Variants in OR51E2 observed in about 807,000 individuals in gnomAD.
OR51E2 encodes olfactory receptor 51E2.
OR51E2 carries 14 observed loss-of-function variants against 13.7 expected under a neutral mutation model. The ratio of observed to expected loss-of-function variants is 1.02; its 90% confidence interval spans 0.68 to 1.60. OR51E2 has a LOEUF of 1.60. Among genes scored for constraint, OR51E2 ranks in the 40% most tolerant of loss-of-function variants. The probability of loss-of-function intolerance (pLI) is 0.00; values close to 1 mark genes in which losing one functional copy is unlikely to be tolerated. For missense variants in OR51E2, 483 were observed against 413.8 expected, an observed-to-expected ratio of 1.17 and a Z score of -1.45; for synonymous variants, 180 against 157.6, an observed-to-expected ratio of 1.14 and a Z score of -1.07.
Position 4,682,346 on chromosome 11 carries a change from A to G in OR51E2, c.366T>C (p.Tyr122=), listed in dbSNP as rs752568016. ...TILLAMAFDR[Y]VAICHPLRHA... ...GGCGCAGTGGGTGGCAGATGGCCACATAACGGTCAAAGGCCATGGCCAGCA... is the reference window on the plus strand; with the variant it reads ...GGCGCAGTGGGTGGCAGATGGCCACGTAACGGTCAAAGGCCATGGCCAGCA... Residue 122 remains tyrosine, a synonymous_variant, in exon 2 of 2, where the codon TAT becomes TAC. Transcript: ENST00000396950. 6.2e-7 allele frequency: 1 copy of G among 1,614,094 alleles called. No homozygotes were observed. The highest frequency in any genetic ancestry group is 8.5e-7 in the Non-Finnish European group (1 of 1,180,044).
chr11:4,682,550 C>G lies in OR51E2; in HGVS notation c.162G>C (p.Leu54=). 1 of 1,614,034 alleles carries G rather than the reference C, an allele frequency of 6.2e-7. No homozygotes were observed. The highest frequency in any genetic ancestry group is 2.2e-5 in the East Asian group (1 of 44,874). ...AGAGAAAGAGGTACATCGGAGCGTG[C>G]AGGCTGCGTTCCGTCCTTACGATGA... ...VVFIVRTERS[L]HAPMYLFLCM... The change falls in exon 2 of 2, where the codon CTG becomes CTC. Residue 54 remains leucine, a synonymous_variant. Transcript: ENST00000396950.
chr11:4,693,295 A>C (rs1589875427), intron 1 of OR51E2, among the ~76,000 whole-genome samples: 1 of 152,360 alleles, frequency 6.6e-6, no homozygotes, highest in Middle Eastern at 3.4e-3. Flanking sequence ...AAAAGGAATT[A>C]CCAGAAAGAG....
At chr11:4,695,757 G>T (rs1379323706) in intron 1 of OR51E2, among the ~76,000 whole-genome samples, 1 of 145,018 alleles carries the variant, frequency 6.9e-6, no homozygotes. Flanking sequence ...ATTAGCTTCA[G>T]TGATGGTTAT....
At chr11:4,696,151 T>C (rs957292013) in intron 1 of OR51E2, among the ~76,000 whole-genome samples, 13 of 152,168 alleles carry the variant, frequency 8.5e-5, no homozygotes, top group African/African-American at 3.1e-4. Context: ...CCTTGCTGCA[T>C]GTGGTGAATA....
chr11:4,685,022 C>T (rs576697328), intron 1 of OR51E2: 1 of 152,296 alleles, frequency 6.6e-6, no homozygotes. Context: ...ATGGCAGGAG[C>T]TAAGCCTGCC....
At chr11:4,692,394 A>G (rs368878171) in intron 1 of OR51E2, among the ~76,000 whole-genome samples, 4 of 152,358 alleles carry the variant, frequency 2.6e-5, no homozygotes, top group East Asian at 1.9e-4. Context: ...CCCACCTGAT[A>G]TAATGTGCTG....
In OR51E2 at chr11:4,682,385, A is replaced by C. The variant is rs1425839920; in HGVS notation, c.327T>G (p.Ile109Met). ...CCATGGCCAGCAGGATGGTGGATTC[A>C]ATGGCTGAGAGGGCATGAATAAAGA... ...QMFFIHALSAIESTILLAMAF... is the reference protein window; with the variant it reads ...QMFFIHALSAMESTILLAMAF... The change falls in exon 2 of 2, where the codon ATT becomes ATG. Residue 109 changes from isoleucine (I) to methionine (M), a missense_variant. Ile to Met is a conservative substitution (Grantham distance 10). Coordinates refer to ENST00000396950, the MANE Select transcript of OR51E2 (RefSeq NM_030774.4). 1 of 1,614,212 alleles carries C rather than the reference A, an allele frequency of 6.2e-7. No individual in the cohort carries two copies. The highest frequency in any genetic ancestry group is 1.1e-5 in the South Asian group (1 of 91,090).
Position 4,682,371 on chromosome 11 carries a change from A to G in OR51E2, c.341T>C (p.Leu114Pro). Residue 114 changes from leucine to proline, a missense_variant, in exon 2 of 2, where the codon CTG becomes CCG. By Grantham distance (98) the Leu-to-Pro change is moderately conservative. Coordinates refer to ENST00000396950, the MANE Select transcript of OR51E2 (RefSeq NM_030774.4). Reference protein sequence around the residue: ...HALSAIESTILLAMAFDRYVA... With the variant: ...HALSAIESTIPLAMAFDRYVA... ...ATAACGGTCAAAGGCCATGGCCAGC[A>G]GGATGGTGGATTCAATGGCTGAGAG... 6.2e-7 allele frequency: 1 copy of G among 1,614,242 alleles called. No homozygotes were observed. Among genetic ancestry groups the G allele is most frequent in the Non-Finnish European group, 8.5e-7 (1 of 1,180,042 alleles).
chr11:4,683,516 C>T (rs1050771014), intron 1 of OR51E2, among the ~76,000 whole-genome samples: 5 of 152,180 alleles, frequency 3.3e-5, no homozygotes, highest in African/African-American at 1.2e-4. Flanking sequence ...TAGTGGCTCC[C>T]TCCGATGACT....
Position 4,682,100 on chromosome 11 carries a change from C to G in OR51E2, c.612G>C (p.Leu204=). ...TGAACATTACGTCCACGCCCATGAC[C>G]AGCAGAATGGCAGTAAGACCATATA... is the stretch of plus-strand genomic sequence containing the variant. The part of the protein sequence containing the change: ...NVVYGLTAIL[L]VMGVDVMFIS... The change falls in exon 2 of 2, where the codon CTG becomes CTC. Residue 204 remains leucine, a synonymous_variant. Transcript: ENST00000396950. The G allele has an allele frequency of 1.2e-6, 2 of 1,614,204 alleles. No homozygotes were observed. Among genetic ancestry groups the G allele is most frequent in the Non-Finnish European group, 1.7e-6 (2 of 1,180,048 alleles).
Position 4,696,082 on chromosome 11 carries a change from T to C in OR51E2, c.-51+1571A>G, listed in dbSNP as rs1331397388. Among the ~76,000 whole-genome samples, 5 of 152,270 alleles carry C rather than the reference T, an allele frequency of 3.3e-5. No individual in the cohort carries two copies. The South Asian group carries it at 1.0e-3, about 32-fold the overall frequency. On this transcript the variant is annotated intron_variant, in intron 1 of 1. Transcript: ENST00000396950. ...GTAGTAATGAGACATGAAAATACAG[T>C]GAAGCAATCAAACCTGTAATTTAGA...
At position 4,681,846 on chromosome 11, in the gene OR51E2, A is replaced by T. The variant is rs1427869236; in HGVS notation, c.866T>A (p.Ile289Asn). 1.9e-6 allele frequency: 3 copies of T among 1,614,028 alleles called. No individual in the cohort carries two copies. Among genetic ancestry groups the T allele is most frequent in the East Asian group, 2.2e-5 (1 of 44,882 alleles). Residue 289 changes from isoleucine (I) to asparagine (N), a missense_variant, in exon 2 of 2, where the codon ATC becomes AAC. Transcript: ENST00000396950. ...YLLLPPVINP[I>N]IYGAKTKQIR... ...CTGTTTGGTTTTGGCACCATAGATGATGGGATTGATGACAGGAGGCAGCAG... is the reference window on the plus strand; with the variant it reads ...CTGTTTGGTTTTGGCACCATAGATGTTGGGATTGATGACAGGAGGCAGCAG...
intron 1 of OR51E2, among the ~76,000 whole-genome samples, chr11:4,695,489 T>G (rs1300060893): frequency 2.6e-5 from 4 of 152,194 alleles, no homozygotes; most frequent in Non-Finnish European, 5.9e-5. Context: ...ACATAAGCCC[T>G]GTTTCTCTCT....
chr11:4,694,573 T>TACACACACACACAC (rs1237280273), intron 1 of OR51E2, among the ~76,000 whole-genome samples: 1 of 118,874 alleles, frequency 8.4e-6, no homozygotes, highest in Non-Finnish European at 2.0e-5. Flanking sequence ...TACATATATA[T>TACACACACACACAC]ATACACACAC....
Position 4,682,417 on chromosome 11 carries a change from G to A in OR51E2, c.295C>T (p.Gln99Ter). 6.2e-7 allele frequency: 1 copy of A among 1,614,172 alleles called. No homozygotes were observed. Among genetic ancestry groups the A allele is most frequent in the East Asian group, 2.2e-5 (1 of 44,862 alleles). ...GAGAGGGCATGAATAAAGAACATCT[G>A]GGTAAGACAGGCCTCAAAGCTAATC... ...REISFEACLT[Q>*]MFFIHALSAI... The change falls in exon 2 of 2, where the codon CAG becomes TAG. Residue 99 changes from glutamine to a stop codon, truncating the protein, a stop_gained. Coordinates refer to ENST00000396950, the MANE Select transcript of OR51E2 (RefSeq NM_030774.4). LOFTEE classifies it high-confidence loss of function.
intron 1 of OR51E2, among the ~76,000 whole-genome samples, chr11:4,691,964 T>A (rs578113133): frequency 1.3e-5 from 2 of 152,334 alleles, no homozygotes; most frequent in South Asian, 4.1e-4. Context: ...TATGTTTATA[T>A]CATGTGACCA....
intron 1 of OR51E2, among the ~76,000 whole-genome samples, chr11:4,687,443 G>A (rs764509456): frequency 2.0e-5 from 3 of 152,122 alleles, no homozygotes; most frequent in Non-Finnish European, 4.4e-5. Context: ...ATATGAAAAG[G>A]AGCAAACGTT....
chr11:4,687,973 G>T (rs1847534382), intron 1 of OR51E2, among the ~76,000 whole-genome samples: 1 of 152,148 alleles, frequency 6.6e-6, no homozygotes, highest in African/African-American at 2.4e-5. Flanking sequence ...TGTCTCTGGG[G>T]CATTGTACAG....
chr11:4,691,362 G>A (rs1331305599), intron 1 of OR51E2: 1 of 457,912 alleles, frequency 2.2e-6, no homozygotes, highest in Non-Finnish European at 4.4e-6. Context: ...CAGCACTGAG[G>A]ATTCCATGAC....
Sources: allele counts gnomAD v4.1 joint callset (sites outside exome capture counted in the v4.1 genomes callset), GRCh38; gene constraint gnomAD v4.1.1; transcripts MANE v1.5; gene names NCBI Gene and HGNC (gene_info 2026-07-23, HGNC 2026-07-21).